Variants in VAT1L observed in about 807,000 individuals in gnomAD.
The protein encoded by VAT1L is putative NADPH-dependent quinone oxidoreductase VAT1L.
A neutral mutation model predicts 44.1 loss-of-function variants in VAT1L; 34 were observed. The observed-to-expected ratio is 0.77, with a 90% confidence interval of 0.59 to 1.03. The LOEUF (loss-of-function observed/expected upper bound fraction) is 1.03, where lower values mean the gene tolerates loss of function less well. VAT1L is among the 50% of genes least tolerant of loss of function. VAT1L has a pLI of 0.00. For synonymous variants in VAT1L, 253 were observed against 202.2 expected, an observed-to-expected ratio of 1.25 and a Z score of -2.13; for missense variants, 615 against 538.8, an observed-to-expected ratio of 1.14 and a Z score of -1.40.
chr16:77,911,561 G>A (rs2017499987), intron 7 of VAT1L, among the ~76,000 whole-genome samples: 1 of 152,178 alleles, frequency 6.6e-6, no homozygotes, highest in Non-Finnish European at 1.5e-5. Context: ...CTGACCAAAT[G>A]GCCCTGAGCC....
intron 1 of VAT1L, among the ~76,000 whole-genome samples, chr16:77,806,803 C>T (rs1224163423): frequency 6.6e-6 from 1 of 152,098 alleles, no homozygotes; most frequent in Admixed American, 6.5e-5. Context: ...CATATCATAG[C>T]AAAAATGGAC....
At chr16:77,828,539 TG>T (rs1482155107) in intron 3 of VAT1L, among the ~76,000 whole-genome samples, 15 of 152,276 alleles carry the variant, frequency 9.9e-5, no homozygotes, top group African/African-American at 3.6e-4. Context: ...GGCGCATGCC[TG>T]TAATCCCAGC....
Position 77,979,160 on chromosome 16 carries a change from T to C in VAT1L, c.*1465T>C, listed in dbSNP as rs1413527902. ...ATTTCCAAAGTCCTTTTGTAGCAAA[T>C]GTCACCTCATTCGTGGTCTTTTTAC... On this transcript the variant is annotated 3_prime_UTR_variant, in exon 9 of 9. Coordinates refer to ENST00000302536, the MANE Select transcript of VAT1L (RefSeq NM_020927.3). 6.6e-6 allele frequency: 1 copy of C among 152,636 alleles called. No individual in the cohort carries two copies. Among genetic ancestry groups the C allele is most frequent in the Non-Finnish European group, 1.5e-5 (1 of 68,046 alleles). The allele number at this position is 152,636 out of a possible 1,614,324, so 9.5% of individuals were successfully genotyped here.
intron 1 of VAT1L, among the ~76,000 whole-genome samples, chr16:77,794,978 C>A (rs540935787): frequency 1.3e-5 from 2 of 152,046 alleles, no homozygotes; most frequent in Non-Finnish European, 2.9e-5. Context: ...GCTTTTCTGG[C>A]GATTTGAAGA....
chr16:77,910,398 C>T (rs570179274), intron 7 of VAT1L, among the ~76,000 whole-genome samples: 1 of 152,196 alleles, frequency 6.6e-6, no homozygotes, highest in African/African-American at 2.4e-5. Context: ...GGTGGCCAGG[C>T]GTGGTGGCTC....
intron 7 of VAT1L, among the ~76,000 whole-genome samples, chr16:77,965,501 T>A (rs528076807): frequency 1.3e-5 from 2 of 152,232 alleles, no homozygotes; most frequent in East Asian, 3.9e-4. Flanking sequence ...ATGACATGAC[T>A]CAGATTTCCT....
chr16:77,926,672 A>G (rs2017672902), intron 7 of VAT1L, among the ~76,000 whole-genome samples: 1 of 152,086 alleles, frequency 6.6e-6, no homozygotes, highest in Non-Finnish European at 1.5e-5. Context: ...AGAGTATTTC[A>G]GGATAAAAAC....
At chr16:77,946,259 G>T (rs1380134101) in intron 7 of VAT1L, among the ~76,000 whole-genome samples, 1 of 134,102 alleles carries the variant, frequency 7.5e-6, no homozygotes, top group African/African-American at 2.7e-5. Context: ...CTCCTGTTCT[G>T]GACATCTAGG....
chr16:77,882,613 T>C (rs1329859229), intron 6 of VAT1L, among the ~76,000 whole-genome samples: 1 of 152,230 alleles, frequency 6.6e-6, no homozygotes, highest in Admixed American at 6.5e-5. Flanking sequence ...ACACAGCTAG[T>C]AAGTGACAAA....
At chr16:77,964,353 G>A (rs2018198354) in intron 7 of VAT1L, among the ~76,000 whole-genome samples, 1 of 152,276 alleles carries the variant, frequency 6.6e-6, no homozygotes, top group African/African-American at 2.4e-5. Flanking sequence ...CCTCGTGGAA[G>A]CCCTAAGGGA....
chr16:77,929,152 T>C (rs1187722615), intron 7 of VAT1L, among the ~76,000 whole-genome samples: 1 of 152,174 alleles, frequency 6.6e-6, no homozygotes, highest in Admixed American at 6.6e-5. Flanking sequence ...TGATGTACTT[T>C]GAATGCTCTC....
chr16:77,947,958 C>G (rs561368857), intron 7 of VAT1L, among the ~76,000 whole-genome samples: 1 of 152,260 alleles, frequency 6.6e-6, no homozygotes, highest in South Asian at 2.1e-4. Flanking sequence ...AGGGTTTTCC[C>G]CATGTTGGTC....
chr16:77,897,737 A>G (rs2017339044), intron 7 of VAT1L, among the ~76,000 whole-genome samples: 1 of 152,166 alleles, frequency 6.6e-6, no homozygotes, highest in Non-Finnish European at 1.5e-5. Flanking sequence ...GGCCTCCCCA[A>G]GTGCTGGGAT....
At chr16:77,880,987 C>G (rs2099125) in intron 6 of VAT1L, among the ~76,000 whole-genome samples, 2 of 152,310 alleles carry the variant, frequency 1.3e-5, no homozygotes, top group East Asian at 3.9e-4. Context: ...TTTTATTTAT[C>G]CAGTCCACCA....
intron 1 of VAT1L, among the ~76,000 whole-genome samples, chr16:77,793,178 C>T (rs1315608967): frequency 6.6e-6 from 1 of 152,164 alleles, no homozygotes; most frequent in African/African-American, 2.4e-5. Context: ...GTGGTGTGAT[C>T]ATGGTTCACT....
intron 3 of VAT1L, among the ~76,000 whole-genome samples, chr16:77,842,766 A>C (rs1474212067): frequency 1.3e-5 from 2 of 152,192 alleles, no homozygotes; most frequent in South Asian, 2.1e-4. Flanking sequence ...TTTATTCACA[A>C]CTCCTTGGAT....
chr16:77,888,441 T>C (rs931323877), intron 7 of VAT1L, among the ~76,000 whole-genome samples: 2 of 152,246 alleles, frequency 1.3e-5, no homozygotes, highest in African/African-American at 2.4e-5. Context: ...TTGGACATTT[T>C]CTATGTTTAA....
At chr16:77,846,115 C>T (rs1482895373) in intron 3 of VAT1L, among the ~76,000 whole-genome samples, 1 of 152,116 alleles carries the variant, frequency 6.6e-6, no homozygotes, top group Non-Finnish European at 1.5e-5. Context: ...TGAACTTTGC[C>T]TATCCTATGT....
intron 1 of VAT1L, chr16:77,801,418 C>T (rs1392078261): frequency 1.3e-5 from 2 of 152,206 alleles, no homozygotes; most frequent in Non-Finnish European, 2.9e-5. Context: ...GAAACAACTA[C>T]ACTAAGAATG....
Sources: allele counts gnomAD v4.1 joint callset (sites outside exome capture counted in the v4.1 genomes callset), GRCh38; gene constraint gnomAD v4.1.1; transcripts MANE v1.5; gene names NCBI Gene and HGNC (gene_info 2026-07-23, HGNC 2026-07-21).